Variants in WWTR1 observed in about 807,000 individuals in gnomAD.
WWTR1 encodes the protein WW domain containing transcription regulator 1.
In WWTR1, 13 loss-of-function variants were observed where a neutral mutation model predicts 40.1. That is an observed-to-expected ratio of 0.32 (90% CI 0.21 to 0.52). The LOEUF (loss-of-function observed/expected upper bound fraction) is 0.52. Among genes scored for constraint, WWTR1 ranks in the 20% least tolerant of loss-of-function variants. The pLI is 0.97. For missense variants in WWTR1, 436 were observed against 523.1 expected, an observed-to-expected ratio of 0.83 and a Z score of 1.63; for synonymous variants, 230 against 210.1, an observed-to-expected ratio of 1.09 and a Z score of -0.82.
intron 1 of WWTR1, among the ~76,000 whole-genome samples, chr3:149,677,709 G>A (rs543808580): frequency 4.6e-5 from 7 of 152,238 alleles, no homozygotes; most frequent in Admixed American, 2.6e-4. Flanking sequence ...GTGTCGTGAC[G>A]CGTGCCTATA....
intron 3 of WWTR1, among the ~76,000 whole-genome samples, chr3:149,549,839 AAAAAAAC>A (rs920477438): frequency 1.8e-4 from 28 of 152,206 alleles, no homozygotes; most frequent in Middle Eastern, 3.4e-3. Flanking sequence ...ACCTTGTCTC[AAAAAAAC>A]AAAAAACAAA....
intron 2 of WWTR1, among the ~76,000 whole-genome samples, chr3:149,628,843 A>G (rs1455583314): frequency 6.6e-6 from 1 of 151,578 alleles, no homozygotes; most frequent in East Asian, 1.9e-4. Flanking sequence ...GCATGATAAC[A>G]GCTCACTACA....
intron 1 of WWTR1, among the ~76,000 whole-genome samples, chr3:149,683,613 G>C (rs1368148367): frequency 6.6e-6 from 1 of 152,198 alleles, no homozygotes; most frequent in African/African-American, 2.4e-5. Context: ...AGAATCTCTG[G>C]AACCTGGGAG....
intron 2 of WWTR1, among the ~76,000 whole-genome samples, chr3:149,625,804 C>T (rs190300571): frequency 5.1e-3 from 773 of 151,070 alleles, no homozygotes; most frequent in Non-Finnish European, 8.8e-3. Flanking sequence ...AAAAAAAAAG[C>T]GGAAATTAGC....
At chr3:149,580,206 TATATCTTACTC>T (rs1486183796) in intron 2 of WWTR1, among the ~76,000 whole-genome samples, 55 of 152,324 alleles carry the variant, frequency 3.6e-4, no homozygotes, top group African/African-American at 1.3e-3. Flanking sequence ...GGAAATGACA[TATATCTTACTC>T]ATATCTTACA....
chr3:149,626,486 A>G (rs748327476), intron 2 of WWTR1, among the ~76,000 whole-genome samples: 24 of 152,050 alleles, frequency 1.6e-4, no homozygotes, highest in Non-Finnish European at 3.1e-4. Flanking sequence ...TTTGCATTCA[A>G]GTATATACAT....
At chr3:149,646,256 T>A (rs1712522094) in intron 2 of WWTR1, among the ~76,000 whole-genome samples, 1 of 152,214 alleles carries the variant, frequency 6.6e-6, no homozygotes, top group Non-Finnish European at 1.5e-5. Context: ...TCTCAAACTA[T>A]CTGTGGTGAA....
At chr3:149,564,346 C>A (rs1382152109) in intron 3 of WWTR1, among the ~76,000 whole-genome samples, 1 of 152,212 alleles carries the variant, frequency 6.6e-6, no homozygotes, top group African/African-American at 2.4e-5. Context: ...CTATTTGCCA[C>A]AGGCAGACTT....
intron 5 of WWTR1, among the ~76,000 whole-genome samples, chr3:149,527,475 C>T (rs1278566076): frequency 2.0e-5 from 3 of 152,178 alleles, no homozygotes; most frequent in African/African-American, 7.2e-5. Context: ...GTTCTGTTCT[C>T]AATTTGCCAT....
At chr3:149,547,418 C>T (rs1038793170) in intron 3 of WWTR1, among the ~76,000 whole-genome samples, 1 of 151,830 alleles carries the variant, frequency 6.6e-6, no homozygotes. Flanking sequence ...CCCAGCTACT[C>T]GGGAGGCTGA....
chr3:149,568,523 CAAA>C (rs34414853), intron 3 of WWTR1, among the ~76,000 whole-genome samples: 5,557 of 64,636 alleles, frequency 0.086, 237 homozygotes, highest in Non-Finnish European at 0.13. Context: ...AATTAAAGTG[CAAA>C]AAAAAAAAAA....
intron 1 of WWTR1, among the ~76,000 whole-genome samples, chr3:149,675,954 C>T (rs79287229): frequency 0.019 from 2,965 of 152,240 alleles, 61 homozygotes; most frequent in South Asian, 0.091. Context: ...ATCGGCCCGT[C>T]TCAGCTTCCC....
At chr3:149,692,584 T>C (rs1387481865) in intron 1 of WWTR1, among the ~76,000 whole-genome samples, 3 of 152,134 alleles carry the variant, frequency 2.0e-5, no homozygotes, top group African/African-American at 4.8e-5. Flanking sequence ...TCCTCTAAGA[T>C]TGGGAATACA....
chr3:149,523,406 G>A (rs960363714), intron 6 of WWTR1, among the ~76,000 whole-genome samples: 7 of 152,030 alleles, frequency 4.6e-5, no homozygotes, highest in Non-Finnish European at 7.4e-5. Flanking sequence ...GTGCCACCAC[G>A]CCCAGCTAAT....
intron 5 of WWTR1, among the ~76,000 whole-genome samples, chr3:149,712,762 T>C (rs1715507772): frequency 6.6e-6 from 1 of 152,300 alleles, no homozygotes; most frequent in South Asian, 2.1e-4. Context: ...GCAAAGTAAT[T>C]TATTGCTAAA....
intron 4 of WWTR1, among the ~76,000 whole-genome samples, chr3:149,534,726 G>C (rs959995429): frequency 6.6e-6 from 1 of 152,206 alleles, no homozygotes; most frequent in Non-Finnish European, 1.5e-5. Context: ...CAAGCTTGGG[G>C]TGGAAAGACT....
At chr3:149,603,287 T>C (rs930078954) in intron 2 of WWTR1, among the ~76,000 whole-genome samples, 1 of 151,748 alleles carries the variant, frequency 6.6e-6, no homozygotes, top group Non-Finnish European at 1.5e-5. Flanking sequence ...GAAAATGGAG[T>C]TCATGACTGA....
chr3:149,686,193 C>T (rs965404572), intron 1 of WWTR1, among the ~76,000 whole-genome samples: 8 of 152,168 alleles, frequency 5.3e-5, no homozygotes, highest in Non-Finnish European at 8.8e-5. Context: ...ATAAATGACT[C>T]CAGTTTGTTC....
At chr3:149,681,143 C>T (rs2108203643) in intron 1 of WWTR1, among the ~76,000 whole-genome samples, 1 of 152,270 alleles carries the variant, frequency 6.6e-6, no homozygotes, top group Admixed American at 6.5e-5. Flanking sequence ...TAAGAGTTTT[C>T]CCACATTTTC....
Sources: allele counts gnomAD v4.1 joint callset (sites outside exome capture counted in the v4.1 genomes callset), GRCh38; gene constraint gnomAD v4.1.1; transcripts MANE v1.5; gene names NCBI Gene and HGNC (gene_info 2026-07-23, HGNC 2026-07-21).